HMGCLL1: variants seen among roughly 807,000 people sequenced by gnomAD.
HMGCLL1 encodes 3-hydroxy-3-methylglutaryl-CoA lyase like 1.
A neutral mutation model predicts 39.1 loss-of-function variants in HMGCLL1; 36 were observed. The ratio of observed to expected loss-of-function variants is 0.92; its 90% CI spans 0.71 to 1.22. The LOEUF (loss-of-function observed/expected upper bound fraction) is 1.22, where lower values mean the gene tolerates loss of function less well. Ranked by LOEUF, HMGCLL1 falls within the 50% of genes most tolerant of loss-of-function variation. The probability of loss-of-function intolerance (pLI) is 0.00; values close to 1 mark genes in which losing one functional copy is unlikely to be tolerated. For synonymous variants in HMGCLL1, 149 were observed against 144.0 expected, an observed-to-expected ratio of 1.03 and a Z score of -0.25; for missense variants, 451 against 416.5, an observed-to-expected ratio of 1.08 and a Z score of -0.72.
chr6:55,665,732 A>C, the HMGCLL1 span, among the ~76,000 whole-genome samples: 3 of 151,758 alleles, frequency 2.0e-5, no homozygotes, highest in African/African-American at 7.2e-5. Context: ...ATGGTACAAA[A>C]TACCTTTATG....
chr6:55,638,421 A>C, the HMGCLL1 span, among the ~76,000 whole-genome samples: 1 of 151,680 alleles, frequency 6.6e-6, no homozygotes, highest in Non-Finnish European at 1.5e-5. Context: ...AAAAAAAAAA[A>C]AATGGAAATA....
chr6:55,656,417 C>T, the HMGCLL1 span, among the ~76,000 whole-genome samples: 1 of 151,950 alleles, frequency 6.6e-6, no homozygotes, highest in East Asian at 1.9e-4. Context: ...AGCCATATTC[C>T]TCAGCTCCCA....
At chr6:55,656,522 C>T in the HMGCLL1 span, among the ~76,000 whole-genome samples, 7 of 152,008 alleles carry the variant, frequency 4.6e-5, no homozygotes, top group South Asian at 1.0e-3. Flanking sequence ...TACGTCCCTC[C>T]ACTCCTTGAT....
At chr6:55,449,262 C>T (rs1347383792) in intron 7 of HMGCLL1, among the ~76,000 whole-genome samples, 1 of 152,164 alleles carries the variant, frequency 6.6e-6, no homozygotes, top group Non-Finnish European at 1.5e-5. Context: ...TATGTGACTA[C>T]AGTCTAGCCA....
chr6:55,633,107 G>A, the HMGCLL1 span, among the ~76,000 whole-genome samples: 1 of 152,054 alleles, frequency 6.6e-6, no homozygotes, highest in Non-Finnish European at 1.5e-5. Context: ...GAGAAGTACA[G>A]TGCTGGCCAA....
chr6:55,633,393 T>C, the HMGCLL1 span, among the ~76,000 whole-genome samples: 2 of 151,518 alleles, frequency 1.3e-5, no homozygotes, highest in Non-Finnish European at 2.9e-5. Flanking sequence ...TCAGGAGAAA[T>C]AGGCAGAGAG....
intron 7 of HMGCLL1, among the ~76,000 whole-genome samples, chr6:55,467,949 T>C (rs1379190054): frequency 6.6e-6 from 1 of 151,990 alleles, no homozygotes; most frequent in Admixed American, 6.6e-5. Context: ...TCAGGAAGTC[T>C]TTCTAAATTA....
At chr6:55,590,412 A>C in the HMGCLL1 span, among the ~76,000 whole-genome samples, 1 of 152,326 alleles carries the variant, frequency 6.6e-6, no homozygotes, top group South Asian at 2.1e-4. Context: ...AAGATGGATT[A>C]AAGATTTAAA....
intron 1 of HMGCLL1, among the ~76,000 whole-genome samples, chr6:55,566,989 AT>A (rs1377753475): frequency 6.6e-6 from 1 of 152,148 alleles, no homozygotes; most frequent in Non-Finnish European, 1.5e-5. Context: ...TTCTATAAAC[AT>A]TTAATGAAGA....
At chr6:55,578,859 G>A (rs1771891142) in intron 1 of HMGCLL1, 89 bp downstream of exon 1, 1 of 922,926 alleles carries the variant, frequency 1.1e-6, no homozygotes, top group Non-Finnish European at 1.7e-6. Flanking sequence ...GTGACATAAA[G>A]GGAGGAGGGC....
intron 1 of HMGCLL1, among the ~76,000 whole-genome samples, chr6:55,568,151 A>T (rs561111451): frequency 5.3e-4 from 80 of 152,306 alleles, no homozygotes; most frequent in African/African-American, 1.8e-3. Flanking sequence ...ATTTTCTATA[A>T]GAAAAAATGT....
chr6:55,648,038 C>T, the HMGCLL1 span, among the ~76,000 whole-genome samples: 4,248 of 126,720 alleles, frequency 0.034, 112 homozygotes, highest in African/African-American at 0.069. Flanking sequence ...TTTGTTCTTG[C>T]GATAGTTTAC....
At chr6:55,540,218 T>G (rs529813166) in intron 3 of HMGCLL1, among the ~76,000 whole-genome samples, 2 of 152,228 alleles carry the variant, frequency 1.3e-5, no homozygotes, top group African/African-American at 4.8e-5. Context: ...GGATCACTAA[T>G]GTATCAATGG....
chr6:55,453,601 T>C (rs976343912), intron 7 of HMGCLL1, among the ~76,000 whole-genome samples: 5 of 152,214 alleles, frequency 3.3e-5, no homozygotes, highest in African/African-American at 1.2e-4. Flanking sequence ...CTAAGGTTTA[T>C]GAATAATCAT....
the HMGCLL1 span, among the ~76,000 whole-genome samples, chr6:55,669,901 G>A: frequency 6.6e-5 from 10 of 151,664 alleles, no homozygotes; most frequent in African/African-American, 1.2e-4. Flanking sequence ...TTGAAGTCCC[G>A]GGAGAGAACA....
chr6:55,667,615 TTGG>T, the HMGCLL1 span, among the ~76,000 whole-genome samples: 256 of 151,866 alleles, frequency 1.7e-3, 1 homozygote, highest in Non-Finnish European at 2.5e-3. Flanking sequence ...TTGTGCTTTG[TTGG>T]TGGTGGTGGT....
chr6:55,658,969 A>G, the HMGCLL1 span, among the ~76,000 whole-genome samples: 2 of 151,920 alleles, frequency 1.3e-5, no homozygotes, highest in Non-Finnish European at 2.9e-5. Flanking sequence ...GTGGAGAATG[A>G]ACTGAAAGAG....
At chr6:55,546,983 T>C (rs1770015748) in intron 1 of HMGCLL1, among the ~76,000 whole-genome samples, 1 of 152,048 alleles carries the variant, frequency 6.6e-6, no homozygotes, top group Non-Finnish European at 1.5e-5. Context: ...AAATACTATC[T>C]TGAATTTATA....
the HMGCLL1 span, among the ~76,000 whole-genome samples, chr6:55,663,357 G>C: frequency 6.6e-6 from 1 of 151,118 alleles, no homozygotes; most frequent in African/African-American, 2.4e-5. Flanking sequence ...TGATTTAGCT[G>C]TGACCCAGAG....
Sources: allele counts gnomAD v4.1 joint callset (sites outside exome capture counted in the v4.1 genomes callset), GRCh38; gene constraint gnomAD v4.1.1; transcripts MANE v1.5; gene names NCBI Gene and HGNC (gene_info 2026-07-23, HGNC 2026-07-21).